Variants in FNDC3B observed in about 807,000 individuals in gnomAD.
FNDC3B encodes fibronectin type III domain containing 3B.
A neutral mutation model predicts 151.5 loss-of-function variants in FNDC3B; 12 were observed. The observed-to-expected ratio is 0.08, with a 90% CI of 0.05 to 0.13. The LOEUF (loss-of-function observed/expected upper bound fraction) is 0.13, where lower values mean the gene tolerates loss of function less well. Among genes scored for constraint, FNDC3B ranks in the 10% least tolerant of loss-of-function variants. The probability of loss-of-function intolerance (pLI) is 1.00; values close to 1 mark genes in which losing one functional copy is unlikely to be tolerated. For missense variants in FNDC3B, 1,214 were observed against 1,505.3 expected (o/e 0.81, Z 3.20); for synonymous variants, 528 against 549.0 (o/e 0.96, Z 0.54).
At chr3:172,198,329 A>G (rs1464045562) in intron 3 of FNDC3B, among the ~76,000 whole-genome samples, 1 of 152,190 alleles carries the variant, frequency 6.6e-6, no homozygotes, top group Non-Finnish European at 1.5e-5. Context: ...CTTAGTGGAT[A>G]GAGCTGGAGA....
chr3:172,134,361 T>C (rs760049298), intron 3 of FNDC3B: 1 of 518,440 alleles, frequency 1.9e-6, no homozygotes. Context: ...AACACTGTAG[T>C]GTTAAAAGGC....
At chr3:172,186,890 C>G in intron 3 of FNDC3B, 1 of 544,980 alleles carries the variant, frequency 1.8e-6, no homozygotes, top group Non-Finnish European at 3.3e-6. Flanking sequence ...AGTTCTGTGA[C>G]TTGAGTTTCA....
chr3:172,113,617 C>T (rs1330675806), intron 2 of FNDC3B, among the ~76,000 whole-genome samples: 1 of 152,192 alleles, frequency 6.6e-6, no homozygotes, highest in Non-Finnish European at 1.5e-5. Flanking sequence ...ATGCAGATAA[C>T]TCCCTTCCTG....
intron 3 of FNDC3B, among the ~76,000 whole-genome samples, chr3:172,136,049 G>A (rs1559982768): frequency 6.6e-6 from 1 of 152,176 alleles, no homozygotes; most frequent in Non-Finnish European, 1.5e-5. Context: ...AGGAAGCTGA[G>A]GCCTGTCGAA....
Position 172,174,940 on chromosome 3 carries a change from C to A in FNDC3B, c.187+41394C>A, listed in dbSNP as rs576468330. On this transcript the variant is annotated intron_variant, in intron 3 of 25. Coordinates refer to ENST00000415807, the MANE Select transcript of FNDC3B (RefSeq NM_022763.4). ...GGAGACCTTCCCCCCGCCACCCCCC[C>A]CCCCCCAATACAATTTGCTGTCCAT... 9.1e-4 allele frequency among the ~76,000 whole-genome samples: 57 copies of A among 62,532 alleles called. 6 individuals carry two copies. In the South Asian group the frequency reaches 0.025, roughly 27 times the overall value. The allele number at this position is 62,532 out of a possible 152,430, so 41.0% of individuals were successfully genotyped here.
chr3:172,334,641 C>T (rs1732856686), intron 14 of FNDC3B, among the ~76,000 whole-genome samples: 1 of 152,154 alleles, frequency 6.6e-6, no homozygotes, highest in African/African-American at 2.4e-5. Context: ...GGGGTTTCTC[C>T]ATGTTGGTCA....
intron 2 of FNDC3B, among the ~76,000 whole-genome samples, chr3:172,116,827 G>T (rs1333578512): frequency 6.6e-6 from 1 of 152,090 alleles, no homozygotes; most frequent in African/African-American, 2.4e-5. Context: ...TGGCCTCCCA[G>T]AGTGCTGGGA....
chr3:172,121,500 A>C (rs1720544209), intron 2 of FNDC3B, among the ~76,000 whole-genome samples: 1 of 152,242 alleles, frequency 6.6e-6, no homozygotes, highest in Non-Finnish European at 1.5e-5. Flanking sequence ...GACAGGCCAA[A>C]AGAAACAATC....
chr3:172,390,944 A>G (rs1735978306), intron 25 of FNDC3B, among the ~76,000 whole-genome samples: 1 of 152,180 alleles, frequency 6.6e-6, no homozygotes, highest in Admixed American at 6.5e-5. Flanking sequence ...GAGAGTTAGC[A>G]GCGAGCTATG....
At chr3:172,102,850 A>G (rs1481999147) in intron 1 of FNDC3B, among the ~76,000 whole-genome samples, 1 of 152,236 alleles carries the variant, frequency 6.6e-6, no homozygotes, top group East Asian at 1.9e-4. Context: ...ACAGTTCTGT[A>G]GACTTTTCTC....
At chr3:172,102,666 T>G (rs75951215) in intron 1 of FNDC3B, among the ~76,000 whole-genome samples, 1 of 152,108 alleles carries the variant, frequency 6.6e-6, no homozygotes, top group African/African-American at 2.4e-5. Flanking sequence ...TGCTGTGGGG[T>G]GCCAGGCAGG....
intron 4 of FNDC3B, among the ~76,000 whole-genome samples, chr3:172,231,998 A>C (rs899179744): frequency 6.7e-6 from 1 of 148,384 alleles, no homozygotes; most frequent in Non-Finnish European, 1.5e-5. Context: ...CTCGTGCCTC[A>C]GCCTCCCAAG....
chr3:172,310,526 T>C (rs538043514), intron 10 of FNDC3B, among the ~76,000 whole-genome samples: 2 of 152,210 alleles, frequency 1.3e-5, no homozygotes, highest in Non-Finnish European at 2.9e-5. Context: ...CTCTTCAAAG[T>C]CCTATCCCCA....
At chr3:172,333,241 C>CT in intron 14 of FNDC3B, 66 bp downstream of exon 14, 2 of 1,026,534 alleles carry the variant, frequency 1.9e-6, no homozygotes, top group Non-Finnish European at 3.1e-6. Context: ...CACCATTTAC[C>CT]ATGTCAGATT....
chr3:172,382,481 A>G (rs1391334426), intron 25 of FNDC3B, among the ~76,000 whole-genome samples: 1 of 151,980 alleles, frequency 6.6e-6, no homozygotes, highest in African/African-American at 2.4e-5. Flanking sequence ...ATTAGATCCC[A>G]TTTGTCAATT....
At chr3:172,237,923 C>T (rs1727251528) in intron 4 of FNDC3B, among the ~76,000 whole-genome samples, 1 of 152,140 alleles carries the variant, frequency 6.6e-6, no homozygotes, top group Non-Finnish European at 1.5e-5. Flanking sequence ...CATCACCAGT[C>T]ACTTATTTTT....
chr3:172,168,227 T>G (rs1457523484), intron 3 of FNDC3B, among the ~76,000 whole-genome samples: 2 of 152,238 alleles, frequency 1.3e-5, no homozygotes, highest in African/African-American at 2.4e-5. Context: ...GTTATACATA[T>G]TGCCATATCC....
Position 172,343,127 on chromosome 3 carries a change from T to G in FNDC3B, c.2077+11T>G. 1 of 1,366,976 alleles carries G rather than the reference T, an allele frequency of 7.3e-7. No individual in the cohort carries two copies. 84.7% of individuals were successfully genotyped at this position (1,366,976 alleles called of 1,614,324 possible). ...TCCACTTAGAGTGGGGTGAGTGAAC[T>G]AACCTTCACATTGACATTGACAATT... On this transcript the variant is annotated intron_variant, in intron 18 of 25. Coordinates refer to ENST00000415807, the MANE Select transcript of FNDC3B (RefSeq NM_022763.4).
chr3:172,136,642 A>T (rs1721379708), intron 3 of FNDC3B, among the ~76,000 whole-genome samples: 1 of 152,198 alleles, frequency 6.6e-6, no homozygotes. Context: ...AAATATTTGT[A>T]TTTTGTTAGG....
Sources: gnomAD v4.1 joint callset for allele counts (sites outside exome capture counted in the v4.1 genomes callset) on GRCh38, gnomAD v4.1.1 for gene constraint, MANE v1.5 for transcripts, NCBI Gene and HGNC (gene_info 2026-07-23, HGNC 2026-07-21) for gene names.